Variants in MLLT3 observed in about 807,000 individuals in gnomAD.
The protein encoded by MLLT3 is MLLT3 super elongation complex subunit.
A neutral mutation model predicts 53.2 loss-of-function variants in MLLT3; 4 were observed. That is an observed-to-expected ratio of 0.08 (90% confidence interval 0.04 to 0.17). The LOEUF is 0.17. MLLT3 is among the 10% of genes least tolerant of loss of function. The pLI is 1.00. For missense variants in MLLT3, 569 were observed against 684.0 expected (o/e 0.83, Z 1.87); for synonymous variants, 283 against 230.6 (o/e 1.23, Z -2.06).
chr9:20,591,272 G>A (rs1415263102), intron 2 of MLLT3, among the ~76,000 whole-genome samples: 1 of 152,112 alleles, frequency 6.6e-6, no homozygotes, highest in Non-Finnish European at 1.5e-5. Flanking sequence ...TACAGCAGAG[G>A]TGCTGCAATT....
Position 20,352,834 on chromosome 9 carries a change from C to T in MLLT3, c.1575+691G>A, listed in dbSNP as rs886579505. 4.6e-5 allele frequency among the ~76,000 whole-genome samples: 7 copies of T among 151,604 alleles called. No individual in the cohort carries two copies. In the East Asian group the frequency reaches 1.4e-3, roughly 29 times the overall value. ...ACAGCGAAACAATCTACATGTCTGCCCTGGAATTTAGAACACACATTCTTC... is the reference window on the plus strand; with the variant it reads ...ACAGCGAAACAATCTACATGTCTGCTCTGGAATTTAGAACACACATTCTTC... On this transcript the variant is annotated intron_variant, in intron 10 of 10. Coordinates refer to ENST00000380338, the MANE Select transcript of MLLT3 (RefSeq NM_004529.4).
intron 4 of MLLT3, among the ~76,000 whole-genome samples, chr9:20,444,872 A>AAAAAAT (rs1368410884): frequency 1.3e-5 from 2 of 151,990 alleles, no homozygotes; most frequent in Non-Finnish European, 2.9e-5. Context: ...ACCCTATCTC[A>AAAAAAT]AAAAATAAAA....
intron 6 of MLLT3, 108 bp downstream of exon 6, chr9:20,365,561 G>T: frequency 1.6e-6 from 2 of 1,226,072 alleles, no homozygotes; most frequent in African/African-American, 1.5e-5. Flanking sequence ...TGTTAGCTAG[G>T]ATGGTCTTGA....
At chr9:20,531,328 G>A (rs189998444) in intron 2 of MLLT3, among the ~76,000 whole-genome samples, 37 of 151,888 alleles carry the variant, frequency 2.4e-4, no homozygotes, top group Admixed American at 3.3e-4. Flanking sequence ...TAGAGACAGC[G>A]TTTCACCATG....
chr9:20,493,024 A>AT lies in MLLT3; in HGVS notation c.194-36239dup, dbSNP rs199525902. On this transcript the variant is annotated intron_variant, in intron 2 of 10. Transcript: ENST00000380338. Reference sequence around the variant, plus strand: ...CAGACTGAATTGTGCACCCGTTTCCATTTTTTTTTCTACTATAGGTATTAT... The same window carrying AT: ...CAGACTGAATTGTGCACCCGTTTCCATTTTTTTTTTCTACTATAGGTATTAT... Among the ~76,000 whole-genome samples, 230 of 150,082 alleles carry AT rather than the reference A, an allele frequency of 1.5e-3. No homozygotes were observed. In the East Asian group the frequency reaches 0.016, roughly 10 times the overall value.
chr9:20,604,028 A>T (rs1820503247), intron 2 of MLLT3, among the ~76,000 whole-genome samples: 1 of 152,096 alleles, frequency 6.6e-6, no homozygotes, highest in Admixed American at 6.6e-5. Context: ...CAGGCTATGA[A>T]TTCAGATTGA....
At chr9:20,454,073 A>G (rs1823902100) in intron 3 of MLLT3, among the ~76,000 whole-genome samples, 2 of 152,216 alleles carry the variant, frequency 1.3e-5, no homozygotes, top group African/African-American at 4.8e-5. Flanking sequence ...CCACAAAGGA[A>G]GAGATGTTTT....
chr9:20,451,034 G>T (rs1015784288), intron 3 of MLLT3, among the ~76,000 whole-genome samples: 3 of 152,096 alleles, frequency 2.0e-5, no homozygotes, highest in African/African-American at 7.2e-5. Flanking sequence ...AATGTTCATG[G>T]TAGCATTGCT....
chr9:20,419,525 A>T (rs1032522989), intron 4 of MLLT3, among the ~76,000 whole-genome samples: 7 of 149,492 alleles, frequency 4.7e-5, no homozygotes, highest in Admixed American at 4.0e-4. Context: ...CACTATACTT[A>T]AAAAAAAAGG....
chr9:20,501,857 G>A (rs1005369943), intron 2 of MLLT3, among the ~76,000 whole-genome samples: 3 of 149,780 alleles, frequency 2.0e-5, no homozygotes, highest in Non-Finnish European at 3.0e-5. Flanking sequence ...AAAGCAGGCA[G>A]ATCACCTGAG....
intron 4 of MLLT3, among the ~76,000 whole-genome samples, chr9:20,443,075 T>C (rs902152898): frequency 4.6e-5 from 7 of 151,884 alleles, no homozygotes; most frequent in African/African-American, 1.7e-4. Flanking sequence ...TGTTTAGACT[T>C]TGCCCTGTTT....
At position 20,361,087 on chromosome 9, in the gene MLLT3, G is replaced by T. The variant is rs976208389; in HGVS notation, c.1332-246C>A. Among the ~76,000 whole-genome samples, 5 of 152,136 alleles carry T rather than the reference G, an allele frequency of 3.3e-5. No individual in the cohort carries two copies. In the East Asian group the frequency reaches 7.7e-4, roughly 23 times the overall value. The stretch of plus-strand genomic sequence containing the variant: ...AGTAAACTGAGACTCAGAAAGACTG[G>T]GTCACTCATCTAGGGTCACACAGGT... On this transcript the variant is annotated intron_variant, in intron 7 of 10. Coordinates refer to ENST00000380338, the MANE Select transcript of MLLT3 (RefSeq NM_004529.4).
At chr9:20,549,424 T>C (rs748948534) in intron 2 of MLLT3, among the ~76,000 whole-genome samples, 2 of 152,122 alleles carry the variant, frequency 1.3e-5, no homozygotes, top group Admixed American at 1.3e-4. Context: ...ACTAATAATA[T>C]TAGTAGTAAT....
chr9:20,556,546 G>A (rs1819062312), intron 2 of MLLT3, among the ~76,000 whole-genome samples: 1 of 152,042 alleles, frequency 6.6e-6, no homozygotes, highest in African/African-American at 2.4e-5. Flanking sequence ...AGCCAGCCGT[G>A]GTGGCGGGCA....
chr9:20,562,148 G>A (rs534056164), intron 2 of MLLT3, among the ~76,000 whole-genome samples: 1 of 152,186 alleles, frequency 6.6e-6, no homozygotes, highest in African/African-American at 2.4e-5. Context: ...ACCATGTAAT[G>A]CAAGTTATGC....
intron 5 of MLLT3, among the ~76,000 whole-genome samples, chr9:20,378,262 G>A (rs1009448525): frequency 6.6e-6 from 1 of 152,024 alleles, no homozygotes; most frequent in African/African-American, 2.4e-5. Flanking sequence ...AGGGAGAGAT[G>A]AGTTGTAATA....
chr9:20,379,266 G>A (rs1489701331), intron 5 of MLLT3, among the ~76,000 whole-genome samples: 1 of 151,994 alleles, frequency 6.6e-6, no homozygotes, highest in East Asian at 1.9e-4. Flanking sequence ...ACTCTAACTT[G>A]ATAAAATTCT....
At chr9:20,571,172 G>C (rs1245676737) in intron 2 of MLLT3, among the ~76,000 whole-genome samples, 1 of 152,200 alleles carries the variant, frequency 6.6e-6, no homozygotes, top group Non-Finnish European at 1.5e-5. Context: ...ATATAATGCT[G>C]CAGGTGAGCT....
rs369265889 is a variant in MLLT3 at position 20,615,212 on chromosome 9, A to T, written c.193+5442T>A. Among the ~76,000 whole-genome samples the T allele has an allele frequency of 5.0e-4, 76 of 151,976 alleles. 1 individual carries two copies. The highest frequency in any genetic ancestry group is 1.7e-3 in the African/African-American group (69 of 41,480). On this transcript the variant is annotated intron_variant, in intron 2 of 10. Transcript: ENST00000380338. ...CACACACACACACAAACTGCCAGGC[A>T]TGGTGGTCCACGCCTATAGTCTGAG...
Sources: allele counts gnomAD v4.1 joint callset (sites outside exome capture counted in the v4.1 genomes callset), GRCh38; gene constraint gnomAD v4.1.1; transcripts MANE v1.5; gene names NCBI Gene and HGNC (gene_info 2026-07-23, HGNC 2026-07-21).